BTBD9: variants seen among roughly 807,000 people sequenced by gnomAD.
BTBD9 encodes the protein BTB/POZ domain-containing protein 9.
Under a neutral mutation model 64.3 loss-of-function variants are expected in BTBD9, and 49 were observed. The observed-to-expected ratio is 0.76, with a 90% CI of 0.61 to 0.97. The LOEUF is 0.97. Ranked by LOEUF, BTBD9 falls within the 50% of genes least tolerant of loss-of-function variation. The probability of loss-of-function intolerance (pLI) is 0.00; values close to 1 mark genes in which losing one functional copy is unlikely to be tolerated. For synonymous variants in BTBD9, 260 were observed against 274.7 expected, an observed-to-expected ratio of 0.95 and a Z score of 0.53; for missense variants, 598 against 762.1, an observed-to-expected ratio of 0.78 and a Z score of 2.53.
At chr6:38,220,610 T>C (rs1177693504) in intron 9 of BTBD9, among the ~76,000 whole-genome samples, 1 of 152,272 alleles carries the variant, frequency 6.6e-6, no homozygotes, top group Non-Finnish European at 1.5e-5. Flanking sequence ...CTTTAAAATG[T>C]GATTTAATGA....
chr6:38,189,973 CTT>C (rs55886750), intron 10 of BTBD9, among the ~76,000 whole-genome samples: 16 of 135,456 alleles, frequency 1.2e-4, no homozygotes, highest in East Asian at 4.4e-4. Context: ...CAGGCCCAGC[CTT>C]TTTTTTTTTT....
chr6:38,256,094 G>A (rs1764569345), intron 9 of BTBD9, among the ~76,000 whole-genome samples: 1 of 151,940 alleles, frequency 6.6e-6, no homozygotes, highest in African/African-American at 2.4e-5. Flanking sequence ...GTGGGGTATG[G>A]TGGGCATGGC....
At chr6:38,190,390 A>G (rs751732827) in intron 10 of BTBD9, among the ~76,000 whole-genome samples, 2 of 148,482 alleles carry the variant, frequency 1.3e-5, no homozygotes, top group Non-Finnish European at 3.0e-5. Context: ...AATCACTTGG[A>G]CGCAGGCGGC....
intron 6 of BTBD9, among the ~76,000 whole-genome samples, chr6:38,379,140 G>GGCTTGGGGAAAGGAGATAAA (rs1765822101): frequency 6.6e-6 from 1 of 152,188 alleles, no homozygotes; most frequent in African/African-American, 2.4e-5. Flanking sequence ...GCCACATGTA[G>GGCTTGGGGAAAGGAGATAAA]GCTTGGGGAA....
At chr6:38,538,127 T>C (rs1172093545) in intron 6 of BTBD9, among the ~76,000 whole-genome samples, 1 of 152,228 alleles carries the variant, frequency 6.6e-6, no homozygotes, top group Non-Finnish European at 1.5e-5. Flanking sequence ...CAGACCCACA[T>C]GTTAGAATCC....
chr6:38,188,400 C>A (rs1237522624), intron 10 of BTBD9, among the ~76,000 whole-genome samples: 3 of 152,218 alleles, frequency 2.0e-5, no homozygotes, highest in African/African-American at 7.2e-5. Flanking sequence ...TGCGCTTCCC[C>A]ACCAGTCCCT....
chr6:38,352,037 C>A (rs1031069427), intron 6 of BTBD9, among the ~76,000 whole-genome samples: 1 of 151,886 alleles, frequency 6.6e-6, no homozygotes, highest in African/African-American at 2.4e-5. Context: ...CATACGATAG[C>A]CTTTAAGGTA....
Position 38,616,531 on chromosome 6 carries a change from G to A in BTBD9, c.-27-18410C>T, listed in dbSNP as rs370908054. 6.6e-5 allele frequency among the ~76,000 whole-genome samples: 10 copies of A among 152,218 alleles called. No individual in the cohort carries two copies. In the South Asian group the frequency reaches 1.7e-3, roughly 25 times the overall value. On this transcript the variant is annotated intron_variant, in intron 1 of 10. Transcript: ENST00000481247. Reference sequence around the variant, plus strand: ...TACTCGGAAAGTTGAGGTGGGAGTGGGAGGTGAGGCCAGCTGGACTTCCTG... The same window carrying A: ...TACTCGGAAAGTTGAGGTGGGAGTGAGAGGTGAGGCCAGCTGGACTTCCTG...
At chr6:38,564,299 T>C (rs779810584) in intron 6 of BTBD9, among the ~76,000 whole-genome samples, 1 of 152,344 alleles carries the variant, frequency 6.6e-6, no homozygotes, top group Admixed American at 6.5e-5. Flanking sequence ...GGGTGGGGGA[T>C]GTGTGTTCAA....
rs563630235 is a variant in BTBD9, at chr6:38,383,758, C to G, written c.1155-38665G>C. On this transcript the variant is annotated intron_variant, in intron 6 of 10. Coordinates refer to ENST00000481247, the MANE Select transcript of BTBD9 (RefSeq NM_001099272.2). Reference sequence around the variant, plus strand: ...GTAACGTTCCATCTGTTACACTAAACGGTGAGTAATGGGTCTTCATTTTAT... The same window carrying G: ...GTAACGTTCCATCTGTTACACTAAAGGGTGAGTAATGGGTCTTCATTTTAT... Among the ~76,000 whole-genome samples the G allele has an allele frequency of 3.9e-5, 6 of 152,286 alleles. No individual in the cohort carries two copies. In the South Asian group the frequency reaches 1.2e-3, roughly 32 times the overall value.
intron 8 of BTBD9, among the ~76,000 whole-genome samples, chr6:38,261,806 G>A (rs1404113756): frequency 6.6e-6 from 1 of 152,184 alleles, no homozygotes; most frequent in Non-Finnish European, 1.5e-5. Context: ...GACTGGAGAT[G>A]TGGGGTCATG....
At chr6:38,303,152 C>T (rs1426337015) in intron 7 of BTBD9, among the ~76,000 whole-genome samples, 1 of 151,972 alleles carries the variant, frequency 6.6e-6, no homozygotes, top group Non-Finnish European at 1.5e-5. Context: ...TGGTGTAATC[C>T]CATTTATCTA....
At chr6:38,442,191 T>C (rs752795518) in intron 6 of BTBD9, among the ~76,000 whole-genome samples, 57 of 152,264 alleles carry the variant, frequency 3.7e-4, no homozygotes, top group South Asian at 1.2e-3. Flanking sequence ...TGAATTCCTA[T>C]AATAACAGAG....
chr6:38,554,722 T>C (rs972150772), intron 6 of BTBD9, among the ~76,000 whole-genome samples: 2 of 152,202 alleles, frequency 1.3e-5, no homozygotes, highest in Admixed American at 6.5e-5. Context: ...CCTTGGGGTA[T>C]TCCCCAGACT....
At position 38,288,468 on chromosome 6, in the gene BTBD9, A is replaced by T. The variant is rs950449953; in HGVS notation, c.1265-7T>A. ...GCAACATTCTCCATGGGAACTGTGA[A>T]TCCAAAAACAAGATTTGGCATCAGG... is the stretch of plus-strand genomic sequence containing the variant. On this transcript the variant is annotated splice_polypyrimidine_tract_variant and splice_region_variant and intron_variant, in intron 7 of 10. Transcript: ENST00000481247. The T allele has an allele frequency of 1.1e-5, 17 of 1,613,320 alleles. No individual in the cohort carries two copies. Among genetic ancestry groups the T allele is most frequent in the Non-Finnish European group, 1.4e-5 (16 of 1,179,476 alleles).
intron 6 of BTBD9, among the ~76,000 whole-genome samples, chr6:38,471,098 T>C (rs1770628859): frequency 6.6e-6 from 1 of 152,168 alleles, no homozygotes; most frequent in Non-Finnish European, 1.5e-5. Flanking sequence ...ATCACTATTT[T>C]AGGGGCAGAA....
intron 6 of BTBD9, among the ~76,000 whole-genome samples, chr6:38,533,554 C>G (rs945761345): frequency 3.3e-5 from 5 of 152,172 alleles, no homozygotes; most frequent in Admixed American, 1.3e-4. Context: ...CTAATAAATA[C>G]TTACAGAAAA....
chr6:38,207,609 C>T (rs530711299), intron 9 of BTBD9, among the ~76,000 whole-genome samples: 14 of 151,804 alleles, frequency 9.2e-5, no homozygotes, highest in African/African-American at 2.4e-4. Flanking sequence ...GGCGACAGAG[C>T]GAGCCCTGTC....
intron 6 of BTBD9, among the ~76,000 whole-genome samples, chr6:38,373,810 G>T (rs1765521949): frequency 6.6e-6 from 1 of 152,060 alleles, no homozygotes; most frequent in Non-Finnish European, 1.5e-5. Context: ...TTATAGGTGT[G>T]AGCCACCACC....
Sources: gnomAD v4.1 joint callset for allele counts (sites outside exome capture counted in the v4.1 genomes callset) on GRCh38, gnomAD v4.1.1 for gene constraint, MANE v1.5 for transcripts, NCBI Gene and HGNC (gene_info 2026-07-23, HGNC 2026-07-21) for gene names.